TTC39A: variants seen among roughly 807,000 people sequenced by gnomAD.
TTC39A encodes tetratricopeptide repeat protein 39A.
In TTC39A, 46 loss-of-function variants were observed where a neutral mutation model predicts 82.3. The observed-to-expected ratio is 0.56, with a 90% CI of 0.44 to 0.71. TTC39A has a LOEUF of 0.71. Among genes scored for constraint, TTC39A ranks in the 30% least tolerant of loss-of-function variants. The pLI is 0.00. For synonymous variants in TTC39A, 254 were observed against 275.2 expected (o/e 0.92, Z 0.76); for missense variants, 543 against 712.9 (o/e 0.76, Z 2.71).
chr1:51,314,091 G>A (rs1645194176), intron 2 of TTC39A, among the ~76,000 whole-genome samples: 1 of 152,212 alleles, frequency 6.6e-6, no homozygotes, highest in African/African-American at 2.4e-5. Context: ...TCAGGGCTGA[G>A]CCAAGGTGGC....
Position 51,330,561 on chromosome 1 carries a change from G to A in TTC39A, c.-84C>T, listed in dbSNP as rs1645877181. ...CCGCCGCAACCCCGAGCCGGGCGCT[G>A]TGCGGTCGCGGACGCGGCGGCCGGG... On this transcript the variant is annotated 5_prime_UTR_variant, in exon 1 of 18. Transcript: ENST00000680483. The surrounding 1 kb of genome is among the most constrained non-coding windows in gnomAD (Gnocchi z 4.5). 2 of 983,226 alleles carry A rather than the reference G, an allele frequency of 2.0e-6. No individual in the cohort carries two copies. Among genetic ancestry groups the A allele is most frequent in the Non-Finnish European group, 2.4e-6 (2 of 829,758 alleles). 60.9% of individuals were successfully genotyped at this position (983,226 alleles called of 1,614,324 possible).
At chr1:51,307,570 C>T (rs989865605) in intron 6 of TTC39A, among the ~76,000 whole-genome samples, 1 of 151,906 alleles carries the variant, frequency 6.6e-6, no homozygotes, top group Non-Finnish European at 1.5e-5. Flanking sequence ...CCCATCTCTA[C>T]TAAAAATACA....
At chr1:51,312,687 A>G (rs1446318784) in intron 3 of TTC39A, 125 bp downstream of exon 3, 39 of 1,397,294 alleles carry the variant, frequency 2.8e-5, no homozygotes, top group Non-Finnish European at 3.7e-5. Flanking sequence ...CTCTTAGCAC[A>G]TGCAGACACA....
intron 1 of TTC39A, among the ~76,000 whole-genome samples, chr1:51,328,090 G>A (rs2148303172): frequency 6.6e-6 from 1 of 152,286 alleles, no homozygotes; most frequent in Non-Finnish European, 1.5e-5. Flanking sequence ...GCTTACTCCT[G>A]TAATCCCAGC....
In TTC39A at chr1:51,303,007, G is replaced by A. The variant is rs576401430; in HGVS notation, c.763+77C>T. 5.4e-6 allele frequency: 7 copies of A among 1,303,154 alleles called. No individual in the cohort carries two copies. The African/African-American group carries it at 7.3e-5, about 14-fold the overall frequency. 80.7% of individuals were successfully genotyped at this position (1,303,154 alleles called of 1,614,324 possible). A position where few individuals can be genotyped will look rare whatever the true frequency, so the allele number is the denominator to read the frequency against. On this transcript the variant is annotated intron_variant, in intron 9 of 17. Transcript: ENST00000680483. ...TATCCCTAGCCACAGGGCATGAACA[G>A]GGTCTGTAGCCCCTCGTTCTCCTTC... is the stretch of plus-strand genomic sequence containing the variant.
At chr1:51,344,688 C>T (rs1047489275) in intron 1 of TTC39A, among the ~76,000 whole-genome samples, 1 of 152,232 alleles carries the variant, frequency 6.6e-6, no homozygotes, top group African/African-American at 2.4e-5. Context: ...TGACCGCCAG[C>T]CCCACCTGAG....
intron 8 of TTC39A, among the ~76,000 whole-genome samples, chr1:51,304,027 TC>T (rs1644780086): frequency 6.6e-6 from 1 of 152,238 alleles, no homozygotes; most frequent in Non-Finnish European, 1.5e-5. Context: ...GTGAGGGTTT[TC>T]CCTTCTGTTA....
rs965207158 is a variant in TTC39A at position 51,321,213 on chromosome 1, C to T, written c.146+508G>A. 5.3e-5 allele frequency among the ~76,000 whole-genome samples: 8 copies of T among 152,116 alleles called. No homozygotes were observed. Among genetic ancestry groups the T allele is most frequent in the African/African-American group, 1.2e-4 (5 of 41,410 alleles). On this transcript the variant is annotated intron_variant, in intron 2 of 17. Coordinates refer to ENST00000680483, the MANE Select transcript of TTC39A (RefSeq NM_001297663.2). This position sits in a 1 kb window ranked among gnomAD's most constrained non-coding sequence, Gnocchi z 4.6. ...AAGTGATAAGAAAGGGTGAGTTTTACGGTATCTGAATTACATCTCAATTTT... is the reference window on the plus strand; with the variant it reads ...AAGTGATAAGAAAGGGTGAGTTTTATGGTATCTGAATTACATCTCAATTTT...
intron 14 of TTC39A, among the ~76,000 whole-genome samples, chr1:51,292,396 C>T (rs1009624439): frequency 6.6e-6 from 1 of 152,112 alleles, no homozygotes; most frequent in Non-Finnish European, 1.5e-5. Context: ...TATTTCTCAA[C>T]TGTTCTGTGG....
At chr1:51,303,263 T>C in intron 8 of TTC39A, 71 bp from the exon 9 acceptor site, 1 of 1,320,522 alleles carries the variant, frequency 7.6e-7, no homozygotes, top group Non-Finnish European at 1.1e-6. Context: ...GACAGCTGTG[T>C]GGGCAGTGCT....
intron 2 of TTC39A, among the ~76,000 whole-genome samples, chr1:51,319,264 G>A (rs1183939479): frequency 6.6e-6 from 1 of 152,082 alleles, no homozygotes; most frequent in Non-Finnish European, 1.5e-5. Context: ...TCAACAGAAG[G>A]AATTAATGAG....
Position 51,290,562 on chromosome 1 carries a change from T to C in TTC39A, c.1330A>G (p.Ile444Val), listed in dbSNP as rs762043200. ...IGKQPKLTDG[I>V]LEIITKAEEM... is the part of the protein sequence containing the mutation. ...TCAGCCTTAGTGATAATCTCAAGTATCCCATCCGTGAGTTTCGGCTGCTTC... is the reference window on the plus strand; with the variant it reads ...TCAGCCTTAGTGATAATCTCAAGTACCCCATCCGTGAGTTTCGGCTGCTTC... Residue 444 changes from isoleucine (I) to valine (V), a missense_variant, in exon 15 of 18, where the codon ATA (isoleucine) becomes GTA (valine). Coordinates refer to ENST00000680483, the MANE Select transcript of TTC39A (RefSeq NM_001297663.2). The C allele has an allele frequency of 6.2e-7, 1 of 1,613,974 alleles. No individual in the cohort carries two copies. The highest frequency in any genetic ancestry group is 1.1e-5 in the South Asian group (1 of 91,048).
Position 51,312,051 on chromosome 1 carries a change from C to T in TTC39A, c.355+68G>A, listed in dbSNP as rs146717419. On this transcript the variant is annotated intron_variant, in intron 4 of 17. Transcript: ENST00000680483. ...TAGGCGATGACAGGGAAGAAAACTG[C>T]CCCTTCCTGGGCCTGGAGCTGGCCA... 589 of 1,513,190 alleles carry T rather than the reference C, an allele frequency of 3.9e-4. 2 individuals are homozygous for T. The African/African-American group carries it at 6.8e-3, about 17-fold the overall frequency. The allele number at this position is 1,513,190 out of a possible 1,614,324, so 93.7% of individuals were successfully genotyped here.
intron 1 of TTC39A, among the ~76,000 whole-genome samples, chr1:51,326,938 C>A (rs1645732657): frequency 6.6e-6 from 1 of 152,198 alleles, no homozygotes; most frequent in Non-Finnish European, 1.5e-5. Context: ...GAGCTGGTGA[C>A]CAATGCCAGG....
chr1:51,293,225 G>A (rs1012731637), intron 14 of TTC39A, among the ~76,000 whole-genome samples: 2 of 151,994 alleles, frequency 1.3e-5, no homozygotes, highest in South Asian at 2.1e-4. Context: ...GCGCCACCAC[G>A]CCCGGCTAAT....
chr1:51,291,628 CAAAA>C (rs58825279), intron 14 of TTC39A, among the ~76,000 whole-genome samples: 3 of 49,952 alleles, frequency 6.0e-5, no homozygotes, highest in African/African-American at 7.9e-5. Context: ...CCATCTCCAC[CAAAA>C]AAAAAAAAAA....
At chr1:51,305,764 C>T (rs184075266) in intron 7 of TTC39A, among the ~76,000 whole-genome samples, 456 of 152,230 alleles carry the variant, frequency 3.0e-3, no homozygotes, top group South Asian at 6.8e-3. Context: ...AGAAATGCAC[C>T]GATGGACTCT....
rs1184640370 is a variant in TTC39A, at chr1:51,330,300, C to CCGGG, written c.41+133_41+136dup. 2 of 935,946 alleles carry CCGGG rather than the reference C, an allele frequency of 2.1e-6. No homozygotes were observed. Among genetic ancestry groups the CCGGG allele is most frequent in the African/African-American group, 3.6e-5 (2 of 55,986 alleles). The allele number at this position is 935,946 out of a possible 1,614,324, so 58.0% of individuals were successfully genotyped here. On this transcript the variant is annotated intron_variant, in intron 1 of 17. Coordinates refer to ENST00000680483, the MANE Select transcript of TTC39A (RefSeq NM_001297663.2). The surrounding 1 kb of genome is among the most constrained non-coding windows in gnomAD (Gnocchi z 4.5). ...TGGCAGCGGCGGCGGCTGCCAGGGG[C>CCGGG]CGGGCGGGGTGGGGGCTGGAAGCCG...
At chr1:51,298,156 TC>T (rs1232704502) in intron 12 of TTC39A, 2 of 152,546 alleles carry the variant, frequency 1.3e-5, no homozygotes, top group African/African-American at 4.8e-5. Context: ...CATCTGTGTT[TC>T]TTGTCTCCCC....
Sources: allele counts gnomAD v4.1 joint callset (sites outside exome capture counted in the v4.1 genomes callset), GRCh38; gene constraint gnomAD v4.1.1; non-coding constraint Gnocchi (gnomAD v3.1); transcripts MANE v1.5; gene names NCBI Gene and HGNC (gene_info 2026-07-23, HGNC 2026-07-21).